ERMP1: variants seen among roughly 807,000 people sequenced by gnomAD.
The protein encoded by ERMP1 is Felix-ina.
In ERMP1, 86 loss-of-function variants were observed where a neutral mutation model predicts 92.0. The ratio of observed to expected loss-of-function variants is 0.93; its 90% CI spans 0.79 to 1.12. The LOEUF is 1.12. ERMP1 is among the 50% of genes most tolerant of loss of function. The pLI, the probability that ERMP1 is intolerant of heterozygous loss-of-function variation, is 0.00. For synonymous variants in ERMP1, 530 were observed against 412.8 expected (o/e 1.28, Z -3.44); for missense variants, 1,342 against 1,116.3 (o/e 1.20, Z -2.88).
At chr9:5,835,489 A>G (rs192292138), upstream of ERMP1, among the ~76,000 whole-genome samples, 48 of 152,354 alleles carry the variant, frequency 3.2e-4, no homozygotes, top group Middle Eastern at 3.4e-3. Context: ...TCTCTCTGAG[A>G]AGATGACATT....
intron 6 of ERMP1, among the ~76,000 whole-genome samples, chr9:5,850,586 T>C (rs948586457): frequency 6.6e-5 from 10 of 152,126 alleles, no homozygotes; most frequent in African/African-American, 2.4e-4. Context: ...AAATGCTCAC[T>C]GTCAGTGGTT....
Position 5,786,683 on chromosome 9 carries a change from G to C in ERMP1, c.*461C>G, listed in dbSNP as rs1164544113. 1.2e-5 allele frequency: 2 copies of C among 161,770 alleles called. No homozygotes were observed. Among genetic ancestry groups the C allele is most frequent in the African/African-American group, 4.8e-5 (2 of 41,554 alleles). The allele number at this position is 161,770 out of a possible 1,614,324, so 10.0% of individuals were successfully genotyped here. A position where few individuals can be genotyped will look rare whatever the true frequency, so the allele number is the denominator to read the frequency against. On this transcript the variant is annotated 3_prime_UTR_variant, in exon 15 of 15. Transcript: ENST00000339450. ...CAATCACTTTCCAGTGACCTACACAGAGTTATATTCTCAAGGGGAATCATT... is the reference window on the plus strand; with the variant it reads ...CAATCACTTTCCAGTGACCTACACACAGTTATATTCTCAAGGGGAATCATT...
intron 4 of ERMP1, among the ~76,000 whole-genome samples, chr9:5,822,310 C>T (rs1291228778): frequency 6.6e-6 from 1 of 152,058 alleles, no homozygotes; most frequent in Non-Finnish European, 1.5e-5. Context: ...TATCTACTCA[C>T]TCTTGTAGAT....
intron 2 of ERMP1, among the ~76,000 whole-genome samples, chr9:5,825,853 T>G (rs1035238831): frequency 2.6e-5 from 4 of 152,252 alleles, no homozygotes; most frequent in African/African-American, 9.6e-5. Context: ...TCTCTGAACC[T>G]CTTCTTGATT....
intron 4 of ERMP1, among the ~76,000 whole-genome samples, chr9:5,819,634 T>C (rs12347208): frequency 0.13 from 19,456 of 152,024 alleles, 3,458 homozygotes; most frequent in African/African-American, 0.4. Flanking sequence ...CTATGGCACA[T>C]AGTTTCACAG....
At chr9:5,803,696 A>T (rs2131223300) in intron 10 of ERMP1, among the ~76,000 whole-genome samples, 1 of 152,288 alleles carries the variant, frequency 6.6e-6, no homozygotes, top group East Asian at 1.9e-4. Flanking sequence ...TACAACAGCA[A>T]ACCTATCAAA....
chr9:5,863,331 T>G (rs946716898), intron 5 of ERMP1, among the ~76,000 whole-genome samples: 1 of 152,202 alleles, frequency 6.6e-6, no homozygotes, highest in Non-Finnish European at 1.5e-5. Context: ...AACCTGGGAT[T>G]TGGCATATCC....
chr9:5,833,031 C>A lies in ERMP1; in HGVS notation c.-4G>T. 1 of 1,510,270 alleles carries A rather than the reference C, an allele frequency of 6.6e-7. No homozygotes were observed. The highest frequency in any genetic ancestry group is 8.8e-7 in the Non-Finnish European group (1 of 1,139,650). The allele number at this position is 1,510,270 out of a possible 1,614,324, so 93.6% of individuals were successfully genotyped here. A position where few individuals can be genotyped will look rare whatever the true frequency, so the allele number is the denominator to read the frequency against. On this transcript the variant is annotated 5_prime_UTR_variant, in exon 1 of 15. Coordinates refer to ENST00000339450, the MANE Select transcript of ERMP1 (RefSeq NM_024896.3). Reference sequence around the variant, plus strand: ...CCGACTCAGAACCCCACTCCATGGCCACGAGCCTCAGCTGCCAGCCCAACC... The same window carrying A: ...CCGACTCAGAACCCCACTCCATGGCAACGAGCCTCAGCTGCCAGCCCAACC...
At chr9:5,828,534 C>T (rs1829813855) in intron 2 of ERMP1, among the ~76,000 whole-genome samples, 1 of 152,168 alleles carries the variant, frequency 6.6e-6, no homozygotes, top group African/African-American at 2.4e-5. Context: ...ATTTGCCTTC[C>T]TTCAATTTGC....
chr9:5,854,348 C>T (rs967443709), intron 6 of ERMP1, among the ~76,000 whole-genome samples: 23 of 152,152 alleles, frequency 1.5e-4, no homozygotes, highest in African/African-American at 5.1e-4. Context: ...TCAGTCTAGG[C>T]ATAGCTAGTG....
chr9:5,824,698 G>T (rs1344255424), intron 3 of ERMP1, among the ~76,000 whole-genome samples: 1 of 152,062 alleles, frequency 6.6e-6, no homozygotes, highest in Non-Finnish European at 1.5e-5. Context: ...AGCGTGCCTG[G>T]CCCCCTTCTC....
intron 6 of ERMP1, chr9:5,855,955 C>T (rs759511586): frequency 7.9e-5 from 21 of 266,150 alleles, no homozygotes; most frequent in Non-Finnish European, 1.2e-4. Flanking sequence ...GCAACTGCTT[C>T]GATTTATCAT....
intron 6 of ERMP1, among the ~76,000 whole-genome samples, chr9:5,844,840 G>T (rs952971120): frequency 6.6e-6 from 1 of 152,164 alleles, no homozygotes; most frequent in Non-Finnish European, 1.5e-5. Flanking sequence ...GTCTTCTAAA[G>T]TCACCATCTG....
intron 6 of ERMP1, chr9:5,856,138 T>C (rs559242776): frequency 2.1e-5 from 7 of 330,034 alleles, no homozygotes; most frequent in African/African-American, 6.8e-5. Context: ...CCACTTCATA[T>C]ATTTTGTCTT....
chr9:5,841,927 G>A (rs192894902), intron 6 of ERMP1, among the ~76,000 whole-genome samples: 41 of 152,214 alleles, frequency 2.7e-4, no homozygotes, highest in Middle Eastern at 3.4e-3. Context: ...ACATATCTTC[G>A]CAGTGAGTGT....
At position 5,812,189 on chromosome 9, in the gene ERMP1, T is replaced by C. The variant is rs1483393224; in HGVS notation, c.1050A>G (p.Gly350=). 11 of 1,607,528 alleles carry C rather than the reference T, an allele frequency of 6.8e-6. No individual in the cohort carries two copies. The highest frequency in any genetic ancestry group is 3.3e-4 in the Middle Eastern group (2 of 6,036). ...PGIDLAFIEN[G]YIYHTKYDTA... is the part of the protein sequence containing the mutation. ...TGTCATACTTGGTGTGATAAATGTA[T>C]CCATTCTCAATAAAAGCTAAGTCTA... The change falls in exon 6 of 15, where the codon GGA becomes GGG. Residue 350 remains glycine, a synonymous_variant. Coordinates refer to ENST00000339450, the MANE Select transcript of ERMP1 (RefSeq NM_024896.3).
intron 13 of ERMP1, among the ~76,000 whole-genome samples, chr9:5,791,598 T>G (rs1828199642): frequency 6.6e-6 from 1 of 150,448 alleles, no homozygotes; most frequent in African/African-American, 2.5e-5. Flanking sequence ...CCATCCTGGT[T>G]TGCTCACTTT....
At chr9:5,839,508 CAT>C (rs767793399) in intron 6 of ERMP1, among the ~76,000 whole-genome samples, 1 of 152,162 alleles carries the variant, frequency 6.6e-6, no homozygotes, top group East Asian at 1.9e-4. Context: ...GTCACTGACT[CAT>C]GTGAATTTGC....
In ERMP1 at chr9:5,832,984, A is replaced by G; in HGVS notation, c.44T>C (p.Val15Ala). The change falls in exon 1 of 15, where the codon GTC becomes GCC. Residue 15 changes from valine (V) to alanine (A), a missense_variant. Physicochemically the swap from Val to Ala is moderately conservative, Grantham distance 64 (BLOSUM62 0). Transcript: ENST00000339450. ...SESAAVRRHR[V>A]GVERREGAAA... ...CGCTCCCTCTCGACGCTCTACTCCG[A>G]CGCGGTGCCGCCTCACAGCAGCCGA... 1 of 1,561,022 alleles carries G rather than the reference A, an allele frequency of 6.4e-7. No homozygotes were observed. The highest frequency in any genetic ancestry group is 1.8e-5 in the Admixed American group (1 of 55,814).
Sources: allele counts gnomAD v4.1 joint callset (sites outside exome capture counted in the v4.1 genomes callset), GRCh38; gene constraint gnomAD v4.1.1; transcripts MANE v1.5; gene names NCBI Gene and HGNC (gene_info 2026-07-23, HGNC 2026-07-21).